The following FAT2 variants were observed in gnomAD, a reference collection of about 807,000 sequenced individuals.
FAT2 encodes the protein FAT atypical cadherin 2, also known as protocadherin Fat 2.
Under a neutral mutation model 295.3 loss-of-function variants are expected in FAT2, and 150 were observed. The observed-to-expected ratio is 0.51, with a 90% CI of 0.44 to 0.58. FAT2 has a LOEUF of 0.58. Ranked by LOEUF, FAT2 falls within the 20% of genes least tolerant of loss-of-function variation. The probability of loss-of-function intolerance (pLI) is 0.00; values close to 1 mark genes in which losing one functional copy is unlikely to be tolerated. For missense variants in FAT2, 4,868 were observed against 5,442.7 expected (o/e 0.89, Z 3.32); for synonymous variants, 2,026 against 2,150.3 (o/e 0.94, Z 1.60).
At position 151,566,331 on chromosome 5, in the gene FAT2, G is replaced by A. The variant is rs758252514; in HGVS notation, c.2601C>T (p.Ser867=). 1.2e-6 allele frequency: 2 copies of A among 1,613,962 alleles called. No individual in the cohort carries two copies. The highest frequency in any genetic ancestry group is 1.7e-5 in the Admixed American group (1 of 60,002). The change falls in exon 2 of 24, where the codon TCC becomes TCT. Residue 867 remains serine, a synonymous_variant. Coordinates refer to ENST00000261800, the MANE Select transcript of FAT2 (RefSeq NM_001447.3). ...CCAGTTCCCCAGTGAGAGGGTGGAG[G>A]GAGAACTTCTCTGTGGGACTTAGCA... ...YTLLSPTEKF[S]LHPLTGELVV... is the part of the protein sequence containing the mutation.
chr5:151,527,347 T>A lies in FAT2; in HGVS notation c.10195A>T (p.Thr3399Ser). The A allele has an allele frequency of 6.2e-7, 1 of 1,612,268 alleles. No homozygotes were observed. Among genetic ancestry groups the A allele is most frequent in the South Asian group, 1.1e-5 (1 of 90,894 alleles). The part of the protein sequence containing the change: ...ASSYSLKLRA[T>S]DSGQPPLHED... Reference sequence around the variant, plus strand: ...TGCAGTGGAGGCTGCCCACTGTCTGTGGCTCGGAGCTTCAGGGAATAACTA... The same window carrying A: ...TGCAGTGGAGGCTGCCCACTGTCTGAGGCTCGGAGCTTCAGGGAATAACTA... Residue 3399 changes from threonine to serine, a missense_variant, in exon 17 of 24, where the codon ACA (threonine) becomes TCA (serine). By Grantham distance (58) the Thr-to-Ser change is moderately conservative. Coordinates refer to ENST00000261800, the MANE Select transcript of FAT2 (RefSeq NM_001447.3).
chr5:151,534,639 T>A lies in FAT2; in HGVS notation c.9197A>T (p.Glu3066Val). 6.2e-7 allele frequency: 1 copy of A among 1,603,164 alleles called. No individual in the cohort carries two copies. ...GTCTAGGGCAGTGAGTGTGGTCAGC[T>A]CCCCTGGTCGGAGAAATGACAAAAG... ...HEFKLDPHTG[E>V]LTTLTALDRE... The change falls in exon 13 of 24, where the codon GAG becomes GTG. Residue 3066 changes from glutamate (E) to valine (V), a missense_variant. Coordinates refer to ENST00000261800, the MANE Select transcript of FAT2 (RefSeq NM_001447.3).
chr5:151,527,170 A>G (rs1754101998), intron 17 of FAT2, 64 bp downstream of exon 17: 2 of 1,506,618 alleles, frequency 1.3e-6, no homozygotes, highest in Non-Finnish European at 1.8e-6. Context: ...ACTGAGGGGC[A>G]TCTTCTGCTA....
chr5:151,548,193 G>A (rs1403030785), intron 9 of FAT2, among the ~76,000 whole-genome samples: 1 of 152,094 alleles, frequency 6.6e-6, no homozygotes, highest in African/African-American at 2.4e-5. Flanking sequence ...TACTGTATAA[G>A]CTACTGACAT....
chr5:151,536,033 T>C (rs1755239291), intron 12 of FAT2, among the ~76,000 whole-genome samples: 1 of 152,294 alleles, frequency 6.6e-6, no homozygotes, highest in African/African-American at 2.4e-5. Flanking sequence ...TTACAAATAG[T>C]ATTCTACTTT....
chr5:151,536,918 C>T (rs1581369086), intron 12 of FAT2, among the ~76,000 whole-genome samples: 1 of 152,324 alleles, frequency 6.6e-6, no homozygotes, highest in Non-Finnish European at 1.5e-5. Flanking sequence ...AGTTTCTGGC[C>T]TTCTGTCAGG....
Position 151,505,912 on chromosome 5 carries a change from T to C in FAT2, c.12703A>G (p.Lys4235Glu), listed in dbSNP as rs767594543. The change falls in exon 24 of 24, where the codon AAG (lysine) becomes GAG (glutamate). Residue 4235 changes from lysine (K) to glutamate (E), a missense_variant. Around this residue, in one of 5 missense-constraint regions of FAT2, gnomAD observed 492 missense variants for 482.6 expected, o/e 1.02. Transcript: ENST00000261800. ...GFPFPLEMENKRAPLPPRYSN... is the reference protein window; with the variant it reads ...GFPFPLEMENERAPLPPRYSN... ...TAACGGGGTGGGAGAGGTGCCCGCTTGTTTTCCATCTCCAGGGGGAAGGGG... is the reference window on the plus strand; with the variant it reads ...TAACGGGGTGGGAGAGGTGCCCGCTCGTTTTCCATCTCCAGGGGGAAGGGG... The C allele has an allele frequency of 1.3e-6, 2 of 1,590,294 alleles. No homozygotes were observed. The highest frequency in any genetic ancestry group is 3.7e-5 in the Admixed American group (2 of 53,376).
At chr5:151,534,265 A>G in intron 13 of FAT2, 144 bp downstream of exon 13, 1 of 590,546 alleles carries the variant, frequency 1.7e-6, no homozygotes. Flanking sequence ...TTTGAGGATA[A>G]ATACTTTTTA....
At position 151,542,862 on chromosome 5, in the gene FAT2, C is replaced by T. The variant is rs1324174627; in HGVS notation, c.8265G>A (p.Met2755Ile). 2 of 1,614,058 alleles carry T rather than the reference C, an allele frequency of 1.2e-6. No individual in the cohort carries two copies. The highest frequency in any genetic ancestry group is 3.3e-5 in the Admixed American group (2 of 60,006). ...DTGVIKVRKPMDHESTKLYQI... is the reference protein window; with the variant it reads ...DTGVIKVRKPIDHESTKLYQI... ...GGTACAATTTGGTGGATTCGTGGTC[C>T]ATGGGCTTCCTCACCTTTATGACCC... Residue 2755 changes from methionine (M) to isoleucine (I), a missense_variant, in exon 10 of 24, where the codon ATG becomes ATA. Transcript: ENST00000261800.
At position 151,566,883 on chromosome 5, in the gene FAT2, G is replaced by A. The variant is rs142348925; in HGVS notation, c.2049C>T (p.Ile683=). 4.1e-5 allele frequency: 66 copies of A among 1,614,172 alleles called. No homozygotes were observed. In the African/African-American group the frequency reaches 8.3e-4, roughly 20 times the overall value. The change falls in exon 2 of 24, where the codon ATC becomes ATT. Residue 683 remains isoleucine (I), a synonymous_variant. Coordinates refer to ENST00000261800, the MANE Select transcript of FAT2 (RefSeq NM_001447.3). Reference sequence around the variant, plus strand: ...GGTTCTGAAGCCCAATAAAGTGGAGGATAGTCTTTGTGAATTGTGTCAATA... The same window carrying A: ...GGTTCTGAAGCCCAATAAAGTGGAGAATAGTCTTTGTGAATTGTGTCAATA... ...TGVLTQFTKT[I]LHFIGLQNQE... is the part of the protein sequence containing the mutation.
At position 151,510,025 on chromosome 5, in the gene FAT2, C is replaced by G. The variant is rs1302976934; in HGVS notation, c.12055G>C (p.Asp4019His). Residue 4019 changes from aspartate (D) to histidine (H), a missense_variant, in exon 22 of 24, where the codon GAC becomes CAC. Asp to His is a moderately conservative substitution (Grantham distance 81). Coordinates refer to ENST00000261800, the MANE Select transcript of FAT2 (RefSeq NM_001447.3). ...GGTGGCCTCTCCTGGGATTACCTGT[C>G]TCCTGTGTAAGGATGAGGGCAGTTA... ...SCNCPHPYTG[D>H]RCEMEARGCS... 6.2e-7 allele frequency: 1 copy of G among 1,613,948 alleles called. No individual in the cohort carries two copies. The highest frequency in any genetic ancestry group is 1.1e-5 in the South Asian group (1 of 91,058).
Position 151,550,508 on chromosome 5 carries a change from A to T in FAT2, c.4578+82T>A, listed in dbSNP as rs761121274. On this transcript the variant is annotated intron_variant, in intron 8 of 23. Transcript: ENST00000261800. Reference sequence around the variant, plus strand: ...CATGGTCCTTATGAGGGGAAGGGGGACCTTCAGCATGTCTCCAAGCATGTC... The same window carrying T: ...CATGGTCCTTATGAGGGGAAGGGGGTCCTTCAGCATGTCTCCAAGCATGTC... The T allele has an allele frequency of 3.4e-6, 5 of 1,461,942 alleles. No individual in the cohort carries two copies. The Admixed American group carries it at 8.9e-5, about 26-fold the overall frequency. The allele number at this position is 1,461,942 out of a possible 1,614,324, so 90.6% of individuals were successfully genotyped here. A position where few individuals can be genotyped will look rare whatever the true frequency, so the allele number is the denominator to read the frequency against.
chr5:151,563,494 G>A lies in FAT2; in HGVS notation c.3405C>T (p.Pro1135=), dbSNP rs549258196. The change falls in exon 3 of 24, where the codon CCC becomes CCT. Residue 1135 remains proline (P), a synonymous_variant. Coordinates refer to ENST00000261800, the MANE Select transcript of FAT2 (RefSeq NM_001447.3). ...GGTAGAACACAGCTTGGGACATCTG[G>A]GGTGGGTTGTCATTGGCATCCGTAA... ...IEVTDANDNP[P]QMSQAVFYPS... 2 of 1,614,178 alleles carry A rather than the reference G, an allele frequency of 1.2e-6. No individual in the cohort carries two copies. Among genetic ancestry groups the A allele is most frequent in the South Asian group, 2.2e-5 (2 of 91,072 alleles).
At chr5:151,532,313 G>C (rs778113115) in intron 13 of FAT2, among the ~76,000 whole-genome samples, 4 of 152,120 alleles carry the variant, frequency 2.6e-5, no homozygotes, top group Non-Finnish European at 5.9e-5. Context: ...GAACAGCTCT[G>C]TATCTTGATT....
In FAT2 at chr5:151,568,165, A is replaced by G; in HGVS notation, c.767T>C (p.Ile256Thr). ...TGGTGGAGTCACCACCACCGAAGCA[A>G]TGGCTGGGGGCTTCCTGAGGGCAGG... is the stretch of plus-strand genomic sequence containing the variant. Reference protein sequence around the residue: ...VEPALRKPPAIASVVVTPPDS... With the variant: ...VEPALRKPPATASVVVTPPDS... Residue 256 changes from isoleucine to threonine, a missense_variant, in exon 2 of 24, where the codon ATT becomes ACT. Ile to Thr is a moderately conservative substitution (Grantham distance 89). Coordinates refer to ENST00000261800, the MANE Select transcript of FAT2 (RefSeq NM_001447.3). The G allele has an allele frequency of 1.2e-6, 2 of 1,614,124 alleles. No individual in the cohort carries two copies. The highest frequency in any genetic ancestry group is 1.7e-6 in the Non-Finnish European group (2 of 1,180,018).
intron 1 of FAT2, among the ~76,000 whole-genome samples, chr5:151,576,834 T>C (rs1158731763): frequency 6.6e-6 from 1 of 152,204 alleles, no homozygotes; most frequent in African/African-American, 2.4e-5. Context: ...GCAAACATCA[T>C]GGAGTGCACT....
chr5:151,510,012 T>C lies in FAT2; in HGVS notation c.12059+9A>G, dbSNP rs766469665. The C allele has an allele frequency of 1.4e-5, 22 of 1,613,706 alleles. No individual in the cohort carries two copies. The highest frequency in any genetic ancestry group is 8.3e-5 in the Admixed American group (5 of 60,012). On this transcript the variant is annotated intron_variant, in intron 22 of 23. Coordinates refer to ENST00000261800, the MANE Select transcript of FAT2 (RefSeq NM_001447.3). ...GGAGCCCATGGCAGGTGGCCTCTCC[T>C]GGGATTACCTGTCTCCTGTGTAAGG...
rs2127619033 is a variant in FAT2 at position 151,549,340 on chromosome 5, C to T, written c.4744G>A (p.Ala1582Thr). 1 of 1,613,870 alleles carries T rather than the reference C, an allele frequency of 6.2e-7. No individual in the cohort carries two copies. Among genetic ancestry groups the T allele is most frequent in the Non-Finnish European group, 8.5e-7 (1 of 1,180,042 alleles). ...TELLQVRAMD[A>T]DRGVNAEVHY... ...ACCTCAGCATTGACTCCCCGGTCAG[C>T]ATCCATGGCTCGGACCTGCAGCAGC... Residue 1582 changes from alanine to threonine, a missense_variant, in exon 9 of 24, where the codon GCT becomes ACT. By Grantham distance (58) the Ala-to-Thr change is moderately conservative (BLOSUM62 0). This residue lies in a region of FAT2 where 3,297 missense variants were observed against 3,669.4 expected (regional missense o/e 0.90). Transcript: ENST00000261800.
At chr5:151,529,457 G>T in intron 14 of FAT2, 65 bp from the exon 15 acceptor site, 1 of 1,426,258 alleles carries the variant, frequency 7.0e-7, no homozygotes. Flanking sequence ...AGGACTGAGG[G>T]TCTGAGCCCA....
Sources: gnomAD v4.1 joint callset for allele counts (sites outside exome capture counted in the v4.1 genomes callset) on GRCh38, gnomAD v4.1.1 for gene constraint, gnomAD v4.1.1 regional missense constraint, MANE v1.5 for transcripts, NCBI Gene and HGNC (gene_info 2026-07-23, HGNC 2026-07-21) for gene names.